The following EIF6 variants were observed in gnomAD, a reference collection of about 807,000 sequenced individuals.
EIF6 encodes the protein B4 integrin interactor.
EIF6 carries 10 observed loss-of-function variants against 25.5 expected under a neutral mutation model. The observed-to-expected ratio is 0.39, with a 90% CI of 0.24 to 0.66. EIF6 has a LOEUF of 0.66. Among genes scored for constraint, EIF6 ranks in the 30% least tolerant of loss-of-function variants. The probability of loss-of-function intolerance (pLI) is 0.45; values close to 1 mark genes in which losing one functional copy is unlikely to be tolerated. For missense variants in EIF6, 246 were observed against 315.4 expected, an observed-to-expected ratio of 0.78 and a Z score of 1.67; for synonymous variants, 122 against 122.6, an observed-to-expected ratio of 1.00 and a Z score of 0.03.
At chr20:35,280,967 C>A (rs983406423) in intron 3 of EIF6, 138 bp from the exon 4 acceptor site, 1 of 990,280 alleles carries the variant, frequency 1.0e-6, no homozygotes, top group Non-Finnish European at 1.5e-6. Context: ...ACCCACTGAT[C>A]TGGAAAACAC....
At chr20:35,283,407 A>G (rs2060793327) in intron 3 of EIF6, among the ~76,000 whole-genome samples, 1 of 152,262 alleles carries the variant, frequency 6.6e-6, no homozygotes, top group South Asian at 2.1e-4. Flanking sequence ...AACGTAACTG[A>G]GCAGGAAGAC....
At chr20:35,282,421 G>A (rs952837193) in intron 3 of EIF6, among the ~76,000 whole-genome samples, 4 of 152,098 alleles carry the variant, frequency 2.6e-5, no homozygotes, top group African/African-American at 4.8e-5. Flanking sequence ...ACAAATACAC[G>A]CCAATCAATT....
At chr20:35,281,563 G>A (rs760167319) in intron 3 of EIF6, among the ~76,000 whole-genome samples, 6 of 151,484 alleles carry the variant, frequency 4.0e-5, no homozygotes, top group East Asian at 2.0e-4. Flanking sequence ...CTCCTGCTTC[G>A]GCCTCCTGAG....
chr20:35,283,617 C>G (rs1380972131), intron 3 of EIF6, among the ~76,000 whole-genome samples: 1 of 152,022 alleles, frequency 6.6e-6, no homozygotes, highest in Admixed American at 6.5e-5. Context: ...CTGGGCAACA[C>G]AGGGAGGCCG....
rs112158301 is a variant in EIF6, at chr20:35,281,665, C to T, written c.194-836G>A. On this transcript the variant is annotated intron_variant, in intron 3 of 6. Transcript: ENST00000374450. ...CTCACTATGTTGGCCAGGCTGGTCT[C>T]GAACTCCTAACCTCAGGTGATCCGC... is the stretch of plus-strand genomic sequence containing the variant. Among the ~76,000 whole-genome samples the T allele has an allele frequency of 2.8e-3, 431 of 151,884 alleles. 4 individuals are homozygous for T. Among genetic ancestry groups the T allele is most frequent in the African/African-American group, 9.6e-3 (396 of 41,414 alleles).
Position 35,284,405 on chromosome 20 carries a change from A to G in EIF6, c.83T>C (p.Ile28Thr). 2 of 1,613,976 alleles carry G rather than the reference A, an allele frequency of 1.2e-6. No homozygotes were observed. Among genetic ancestry groups the G allele is most frequent in the Non-Finnish European group, 1.7e-6 (2 of 1,179,982 alleles). Residue 28 changes from isoleucine (I) to threonine (T), a missense_variant, in exon 2 of 7, where the codon ATC becomes ACC. Physicochemically the swap from Ile to Thr is moderately conservative, Grantham distance 89. Transcript: ENST00000374450. ...KLTNTYCLVA[I>T]GGSENFYSVF... ...CCTGTAGAAGTTCTCTGAGCCTCCGATCGCTACCAGACAGTAGGTGTTGGT... is the reference window on the plus strand; with the variant it reads ...CCTGTAGAAGTTCTCTGAGCCTCCGGTCGCTACCAGACAGTAGGTGTTGGT...
At chr20:35,280,374 CCA>C (rs1157523138) in intron 4 of EIF6, among the ~76,000 whole-genome samples, 2 of 152,178 alleles carry the variant, frequency 1.3e-5, no homozygotes, top group African/African-American at 2.4e-5. Flanking sequence ...CCCCTCTCAC[CCA>C]CAGTCAAAAG....
chr20:35,284,561 C>A, intron 1 of EIF6, 69 bp from the exon 2 acceptor site: 1 of 1,519,094 alleles, frequency 6.6e-7, no homozygotes, highest in Non-Finnish European at 8.9e-7. Context: ...CTCCGTCCCT[C>A]AGGCCCCGCC....
Position 35,284,730 on chromosome 20 carries a change from T to A in EIF6, c.-10A>T. On this transcript the variant is annotated 5_prime_UTR_variant, in exon 1 of 7. Coordinates refer to ENST00000374450, the MANE Select transcript of EIF6 (RefSeq NM_002212.4). ...GTTCCCCTCACACCAGCTTACCAAG[T>A]AACCAGTAACAAGCTCCGCACGCGG... is the stretch of plus-strand genomic sequence containing the variant. 1.8e-6 allele frequency: 1 copy of A among 555,094 alleles called. No individual in the cohort carries two copies. The highest frequency in any genetic ancestry group is 3.2e-6 in the Non-Finnish European group (1 of 312,128). The allele number at this position is 555,094 out of a possible 1,614,324, so 34.4% of individuals were successfully genotyped here.
chr20:35,279,046 C>T lies in EIF6; in HGVS notation c.*151G>A. The T allele has an allele frequency of 1.1e-6, 1 of 951,216 alleles. No homozygotes were observed. 58.9% of individuals were successfully genotyped at this position (951,216 alleles called of 1,614,324 possible). A position where few individuals can be genotyped will look rare whatever the true frequency, so the allele number is the denominator to read the frequency against. On this transcript the variant is annotated 3_prime_UTR_variant, in exon 7 of 7. Transcript: ENST00000374450. ...AGTAATGATAGATCCAGGCGATAAG[C>T]ACAGGTGGAAAAGGGTTGGGTGCCC...
chr20:35,284,271 C>T lies in EIF6; in HGVS notation c.108-10G>A, dbSNP rs1326475966. On this transcript the variant is annotated splice_polypyrimidine_tract_variant and intron_variant, in intron 2 of 6. Transcript: ENST00000374450. ...CTCGCCCTCGAACACACTGTAGGGA[C>T]ATGGACTCGGTGGTGGCGGGGCAGA... 6.2e-7 allele frequency: 1 copy of T among 1,613,814 alleles called. No homozygotes were observed. The highest frequency in any genetic ancestry group is 8.5e-7 in the Non-Finnish European group (1 of 1,180,024).
Position 35,284,542 on chromosome 20 carries a change from T to G in EIF6, c.-5-50A>C, listed in dbSNP as rs571887370. ...CAAGGCCGGCGGATCCTTTCCCAAG[T>G]ATCCCGGCCTCCGTCCCTCAGGCCC... On this transcript the variant is annotated intron_variant, in intron 1 of 6. Transcript: ENST00000374450. 8.4e-6 allele frequency: 13 copies of G among 1,547,218 alleles called. No individual in the cohort carries two copies. The South Asian group carries it at 1.3e-4, about 16-fold the overall frequency.
At chr20:35,281,915 A>G (rs2060778771) in intron 3 of EIF6, among the ~76,000 whole-genome samples, 3 of 151,982 alleles carry the variant, frequency 2.0e-5, no homozygotes, top group Admixed American at 2.0e-4. Flanking sequence ...TGACTCTGCC[A>G]TGCCACTCTT....
rs2060807033 is a variant in EIF6 at position 35,284,458 on chromosome 20, G to A, written c.30C>T (p.Asn10=). 1 of 1,611,204 alleles carries A rather than the reference G, an allele frequency of 6.2e-7. No individual in the cohort carries two copies. The highest frequency in any genetic ancestry group is 1.7e-5 in the Admixed American group (1 of 59,944). Residue 10 remains asparagine (N), a synonymous_variant, in exon 2 of 7, where the codon AAC becomes AAT. Coordinates refer to ENST00000374450, the MANE Select transcript of EIF6 (RefSeq NM_002212.4). The stretch of plus-strand genomic sequence containing the variant: ...GCTTGGCAAAGCAGCCGATCTCACA[G>A]TTGTTCTCGAACGAAGCTCGGACCG... MAVRASFEN[N]CEIGCFAKLT... is the part of the protein sequence containing the mutation.
intron 2 of EIF6, 31 bp downstream of exon 2, chr20:35,284,350 G>C (rs748285635): frequency 6.2e-7 from 1 of 1,613,624 alleles, no homozygotes; most frequent in Non-Finnish European, 8.5e-7. Context: ...ACGCCTCCCC[G>C]CCACCGTAAG....
intron 3 of EIF6, among the ~76,000 whole-genome samples, chr20:35,281,381 G>A (rs1222716445): frequency 3.4e-5 from 5 of 146,810 alleles, no homozygotes; most frequent in African/African-American, 5.0e-5. Flanking sequence ...GCGAAACTCC[G>A]TCTCCAAAAA....
chr20:35,284,761 GTACCTTGGACTCCC>G, exon 1 of EIF6: 1 of 514,530 alleles, frequency 1.9e-6, no homozygotes, highest in Non-Finnish European at 3.5e-6. Flanking sequence ...CGCGGCGACT[GTACCTTGGACTCCC>G]TAAAAAGGTT....
chr20:35,284,353 A>C (rs1361094088), intron 2 of EIF6, 28 bp downstream of exon 2: 1 of 1,613,580 alleles, frequency 6.2e-7, no homozygotes, highest in Non-Finnish European at 8.5e-7. Flanking sequence ...CCTCCCCGCC[A>C]CCGTAAGCCC....
At chr20:35,280,880 T>TA in intron 3 of EIF6, 51 bp from the exon 4 acceptor site, 2 of 1,592,060 alleles carry the variant, frequency 1.3e-6, no homozygotes, top group Non-Finnish European at 1.7e-6. Context: ...TGCTGAGCCC[T>TA]AGGGGCTGAG....
Sources: gnomAD v4.1 joint callset for allele counts (sites outside exome capture counted in the v4.1 genomes callset) on GRCh38, gnomAD v4.1.1 for gene constraint, MANE v1.5 for transcripts, NCBI Gene and HGNC (gene_info 2026-07-23, HGNC 2026-07-21) for gene names.